Variants in ANKS1B observed in about 807,000 individuals in gnomAD.
ANKS1B encodes the protein ankyrin repeat and sterile alpha motif domain containing 1B, also known as ankyrin repeat and sterile alpha motif domain-containing protein 1B.
ANKS1B carries 36 observed loss-of-function variants against 148.3 expected under a neutral mutation model. That is an observed-to-expected ratio of 0.24 (90% CI 0.19 to 0.32). The LOEUF (loss-of-function observed/expected upper bound fraction) is 0.32. Ranked by LOEUF, ANKS1B falls within the 10% of genes least tolerant of loss-of-function variation. The probability of loss-of-function intolerance (pLI) is 1.00; values close to 1 mark genes in which losing one functional copy is unlikely to be tolerated. For synonymous variants in ANKS1B, 542 were observed against 560.8 expected (o/e 0.97, Z 0.47); for missense variants, 1,157 against 1,542.6 (o/e 0.75, Z 4.19).
At chr12:99,731,214 G>A (rs181514039) in intron 8 of ANKS1B, among the ~76,000 whole-genome samples, 44 of 152,284 alleles carry the variant, frequency 2.9e-4, no homozygotes, top group Admixed American at 2.7e-3. Flanking sequence ...CGCCTCCCAG[G>A]CTCAAGCGAT....
At chr12:98,793,414 T>A (rs1211982009) in intron 22 of ANKS1B, among the ~76,000 whole-genome samples, 1 of 152,164 alleles carries the variant, frequency 6.6e-6, no homozygotes. Context: ...AAACACGTCA[T>A]GACATTGGAC....
At chr12:99,715,554 G>A (rs980457207) in intron 8 of ANKS1B, among the ~76,000 whole-genome samples, 1 of 152,138 alleles carries the variant, frequency 6.6e-6, no homozygotes, top group Non-Finnish European at 1.5e-5. Context: ...CTCACACAAA[G>A]CCAGTTTGGT....
intron 15 of ANKS1B, among the ~76,000 whole-genome samples, chr12:99,129,010 C>A (rs1222701297): frequency 6.6e-6 from 1 of 152,086 alleles, no homozygotes; most frequent in Non-Finnish European, 1.5e-5. Flanking sequence ...CGTTTCAGGG[C>A]CAGGAAAGGG....
chr12:99,858,025 AC>A (rs2089449085), intron 1 of ANKS1B, among the ~76,000 whole-genome samples: 1 of 152,206 alleles, frequency 6.6e-6, no homozygotes, highest in Non-Finnish European at 1.5e-5. Flanking sequence ...CAAAACAAAG[AC>A]AAATAGATGG....
At chr12:99,628,023 T>C (rs1407073241) in intron 9 of ANKS1B, among the ~76,000 whole-genome samples, 1 of 152,148 alleles carries the variant, frequency 6.6e-6, no homozygotes, top group Non-Finnish European at 1.5e-5. Context: ...GGTGATTTCA[T>C]CGTTGTATCA....
In ANKS1B at chr12:99,806,467, C is replaced by T. The variant is rs201331488; in HGVS notation, c.606G>A (p.Ala202=). 2.2e-5 allele frequency: 36 copies of T among 1,613,824 alleles called. No individual in the cohort carries two copies. Among genetic ancestry groups the T allele is most frequent in the Middle Eastern group, 1.6e-4 (1 of 6,082 alleles). The change falls in exon 4 of 27, where the codon GCG becomes GCA. Residue 202 remains alanine (A), a synonymous_variant. Coordinates refer to ENST00000683438, the MANE Select transcript of ANKS1B (RefSeq NM_001352186.2). ...GCACGACTGCTTTGTGGCCATTGCG[C>T]GCAGCAAGGTGAAGTGGCGTGTGCT... The part of the protein sequence containing the change: ...TRKHTPLHLA[A]RNGHKAVVQV...
intron 10 of ANKS1B, among the ~76,000 whole-genome samples, chr12:99,453,285 G>A (rs987412014): frequency 1.3e-5 from 2 of 151,802 alleles, no homozygotes; most frequent in African/African-American, 2.4e-5. Flanking sequence ...GCGAGAGTCC[G>A]TCTCAAATAA....
chr12:99,817,341 G>T (rs2082000599), intron 2 of ANKS1B, among the ~76,000 whole-genome samples: 1 of 151,504 alleles, frequency 6.6e-6, no homozygotes, highest in African/African-American at 2.4e-5. Context: ...CAAGTGACAG[G>T]ATTTCATTCT....
intron 16 of ANKS1B, among the ~76,000 whole-genome samples, chr12:99,066,198 C>A (rs2044261959): frequency 6.6e-6 from 1 of 152,050 alleles, no homozygotes; most frequent in Non-Finnish European, 1.5e-5. Context: ...TGCCTGTAAT[C>A]CCAGCTACTC....
At chr12:99,400,457 A>G (rs1477459273) in intron 11 of ANKS1B, among the ~76,000 whole-genome samples, 2 of 145,760 alleles carry the variant, frequency 1.4e-5, no homozygotes, top group African/African-American at 5.2e-5. Flanking sequence ...TTAAACATAA[A>G]AGTTAAAATC....
Position 99,369,747 on chromosome 12 carries a change from A to AAGAAAGATAGAT in ANKS1B, c.1756+29883_1756+29884insATCTATCTTTCT, listed in dbSNP as rs1555404895. On this transcript the variant is annotated intron_variant, in intron 12 of 26. Transcript: ENST00000683438. ...ATAGACAGATAGATAAATGGATAGA[A>AAGAAAGATAGAT]AGATAGATAGATAGATAGATAGATA... 6.9e-3 allele frequency among the ~76,000 whole-genome samples: 996 copies of AAGAAAGATAGAT among 143,364 alleles called. 5 individuals carry two copies. Among genetic ancestry groups the AAGAAAGATAGAT allele is most frequent in the Middle Eastern group, 0.014 (4 of 288 alleles). The allele number at this position is 143,364 out of a possible 152,430, so 94.1% of individuals were successfully genotyped here. A position where few individuals can be genotyped will look rare whatever the true frequency, so the allele number is the denominator to read the frequency against.
intron 17 of ANKS1B, among the ~76,000 whole-genome samples, chr12:98,912,546 T>C (rs1287394582): frequency 6.6e-6 from 1 of 152,214 alleles, no homozygotes; most frequent in African/African-American, 2.4e-5. Flanking sequence ...GTGTCTTGTT[T>C]ACCTGTCTGC....
chr12:99,731,745 G>A (rs2153568743), intron 8 of ANKS1B, among the ~76,000 whole-genome samples: 1 of 152,146 alleles, frequency 6.6e-6, no homozygotes, highest in South Asian at 2.1e-4. Flanking sequence ...GTAATTTTGG[G>A]ATAGGCAAAG....
intron 8 of ANKS1B, among the ~76,000 whole-genome samples, chr12:99,666,253 T>C (rs2098506216): frequency 6.6e-6 from 1 of 152,224 alleles, no homozygotes. Context: ...TGTTCTTCTT[T>C]GAAATTATTT....
intron 9 of ANKS1B, among the ~76,000 whole-genome samples, chr12:99,543,074 T>A (rs1432707674): frequency 2.0e-5 from 3 of 152,050 alleles, no homozygotes; most frequent in Non-Finnish European, 2.9e-5. Flanking sequence ...TATTTAAAAA[T>A]CATATATTTG....
At chr12:99,340,970 G>A (rs1264548649) in intron 12 of ANKS1B, 5 of 151,918 alleles carry the variant, frequency 3.3e-5, no homozygotes, top group African/African-American at 1.2e-4. Flanking sequence ...CAACTTAATC[G>A]AGCGCACTTG....
intron 2 of ANKS1B, among the ~76,000 whole-genome samples, chr12:99,814,015 A>G (rs2068769774): frequency 6.6e-6 from 1 of 151,722 alleles, no homozygotes. Context: ...ATATGTTTAG[A>G]TACATAAATA....
intron 17 of ANKS1B, among the ~76,000 whole-genome samples, chr12:98,989,991 G>A (rs1050682105): frequency 1.8e-4 from 27 of 150,124 alleles, no homozygotes; most frequent in Non-Finnish European, 3.7e-4. Context: ...GAGGGAGGAA[G>A]GAGACAGAGA....
At chr12:99,127,881 C>T (rs576189978) in intron 15 of ANKS1B, among the ~76,000 whole-genome samples, 59 of 151,954 alleles carry the variant, frequency 3.9e-4, no homozygotes, top group Non-Finnish European at 7.4e-4. Context: ...TCCTTTTTTG[C>T]TGAGACAAGG....
Sources: gnomAD v4.1 joint callset for allele counts (sites outside exome capture counted in the v4.1 genomes callset) on GRCh38, gnomAD v4.1.1 for gene constraint, MANE v1.5 for transcripts, NCBI Gene and HGNC (gene_info 2026-07-23, HGNC 2026-07-21) for gene names.